Variants in TRAF3IP2 observed in about 807,000 individuals in gnomAD.
TRAF3IP2 encodes TRAF3 interacting protein 2.
A neutral mutation model predicts 57.9 loss-of-function variants in TRAF3IP2; 35 were observed. That is an observed-to-expected ratio of 0.60 (90% CI 0.46 to 0.80). The LOEUF (loss-of-function observed/expected upper bound fraction) is 0.80, where lower values mean the gene tolerates loss of function less well. Ranked by LOEUF, TRAF3IP2 falls within the 30% of genes least tolerant of loss-of-function variation. The pLI is 0.00. For missense variants in TRAF3IP2, 556 were observed against 706.4 expected, an observed-to-expected ratio of 0.79 and a Z score of 2.41; for synonymous variants, 251 against 268.9, an observed-to-expected ratio of 0.93 and a Z score of 0.65.
rs1407211253 is a variant in TRAF3IP2 at position 111,580,398 on chromosome 6, GAAGACAACA to G, written c.830-18_830-10del. On this transcript the variant is annotated splice_polypyrimidine_tract_variant and intron_variant, in intron 2 of 8. Coordinates refer to ENST00000368761, the MANE Select transcript of TRAF3IP2 (RefSeq NM_147686.4). ...AGGGTAGTCATGGCCATCTGTAGGT[GAAGACAACA>G]AAGACAACAGGGAACATCAACTCTA... is the stretch of plus-strand genomic sequence containing the variant. The G allele has an allele frequency of 6.5e-7, 1 of 1,534,906 alleles. No individual in the cohort carries two copies. The highest frequency in any genetic ancestry group is 8.7e-7 in the Non-Finnish European group (1 of 1,146,456).
At position 111,591,999 on chromosome 6, in the gene TRAF3IP2, C is replaced by T. The variant is rs762683742; in HGVS notation, c.88G>A (p.Glu30Lys). 1.2e-6 allele frequency: 2 copies of T among 1,614,230 alleles called. No individual in the cohort carries two copies. Among genetic ancestry groups the T allele is most frequent in the South Asian group, 1.1e-5 (1 of 91,088 alleles). The change falls in exon 2 of 9, where the codon GAG becomes AAG. Residue 30 changes from glutamate (E) to lysine (K), a missense_variant. Physicochemically the swap from Glu to Lys is moderately conservative, Grantham distance 56. This residue lies in a region of TRAF3IP2 where 428 missense variants were observed against 498.7 expected (regional missense o/e 0.86). Transcript: ENST00000368761. The surrounding 1 kb of genome is among the most constrained non-coding windows in gnomAD (Gnocchi z 4.9). Reference sequence around the variant, plus strand: ...TTTGGAGCAGGTGGTTCTGATTCCTCTTCCGGGGAATATTCTGGGATTGGT... The same window carrying T: ...TTTGGAGCAGGTGGTTCTGATTCCTTTTCCGGGGAATATTCTGGGATTGGT... ...LKPIPEYSPE[E>K]ESEPPAPNIR...
At chr6:111,570,972 T>G (rs1795810907) in intron 5 of TRAF3IP2, among the ~76,000 whole-genome samples, 1 of 151,868 alleles carries the variant, frequency 6.6e-6, no homozygotes, top group South Asian at 2.1e-4. Context: ...AGTGGTGTGA[T>G]GCCGGCTTAC....
chr6:111,591,714 G>T lies in TRAF3IP2; in HGVS notation c.373C>A (p.Leu125Ile). The T allele has an allele frequency of 6.2e-7, 1 of 1,614,240 alleles. No homozygotes were observed. The highest frequency in any genetic ancestry group is 8.5e-7 in the Non-Finnish European group (1 of 1,180,030). ...EPASESVVGA[L>I]PAEHQFSFME... ...AATGAAAACTGATGCTCTGCAGGGA[G>T]GGCTCCAACCACAGACTCAGACGCA... is the stretch of plus-strand genomic sequence containing the variant. The change falls in exon 2 of 9, where the codon CTC becomes ATC. Residue 125 changes from leucine to isoleucine, a missense_variant. Transcript: ENST00000368761. This position sits in a 1 kb window ranked among gnomAD's most constrained non-coding sequence, Gnocchi z 4.9.
intron 2 of TRAF3IP2, among the ~76,000 whole-genome samples, chr6:111,584,976 T>C (rs1174337785): frequency 6.6e-6 from 1 of 152,226 alleles, no homozygotes; most frequent in Middle Eastern, 3.2e-3. Context: ...CCTTGCTCAC[T>C]CTGCTAGGCC....
chr6:111,599,537 T>A lies in TRAF3IP2; in HGVS notation c.-9+6239A>T, dbSNP rs79237376. On this transcript the variant is annotated intron_variant, in intron 1 of 8. Transcript: ENST00000368761. ...CCCATGCTTCACCCTCTCTCTTTTT[T>A]AATTTTTTTTTCTGTACACAGCTCT... is the stretch of plus-strand genomic sequence containing the variant. Among the ~76,000 whole-genome samples the A allele has an allele frequency of 1.5e-3, 222 of 152,322 alleles. 2 individuals are homozygous for A. Among genetic ancestry groups the A allele is most frequent in the African/African-American group, 5.0e-3 (209 of 41,576 alleles).
In TRAF3IP2 at chr6:111,562,980, G is replaced by A. The variant is rs1350520467; in HGVS notation, c.1536C>T (p.Phe512=). 6.2e-7 allele frequency: 1 copy of A among 1,612,172 alleles called. No homozygotes were observed. Among genetic ancestry groups the A allele is most frequent in the Non-Finnish European group, 8.5e-7 (1 of 1,179,426 alleles). ...SMNFRFIPVL[F]PNAKKEHVPT... ...GTTTGTTTACCTTCTTAGCATTTGG[G>A]AAGAGCACAGGGATGAATCTGAAAT... The change falls in exon 8 of 9, where the codon TTC becomes TTT. Residue 512 remains phenylalanine, a synonymous_variant. Coordinates refer to ENST00000368761, the MANE Select transcript of TRAF3IP2 (RefSeq NM_147686.4).
chr6:111,578,435 G>A (rs1298245050), intron 3 of TRAF3IP2, among the ~76,000 whole-genome samples: 1 of 152,116 alleles, frequency 6.6e-6, no homozygotes, highest in African/African-American at 2.4e-5. Flanking sequence ...GAGGCCAGGA[G>A]TTTGAAACCA....
At chr6:111,565,663 C>G (rs1394909466) in intron 7 of TRAF3IP2, among the ~76,000 whole-genome samples, 1 of 152,146 alleles carries the variant, frequency 6.6e-6, no homozygotes, top group African/African-American at 2.4e-5. Context: ...GGATTCGTAG[C>G]CCATAAAACA....
In TRAF3IP2 at chr6:111,556,213, CGT is replaced by C. The variant is rs146668280; in HGVS notation, c.*3190_*3191del. Among the ~76,000 whole-genome samples, 23 of 149,568 alleles carry C rather than the reference CGT, an allele frequency of 1.5e-4. No individual in the cohort carries two copies. Among genetic ancestry groups the C allele is most frequent in the African/African-American group, 3.4e-4 (14 of 40,730 alleles). On this transcript the variant is annotated 3_prime_UTR_variant, in exon 9 of 9. Coordinates refer to ENST00000368761, the MANE Select transcript of TRAF3IP2 (RefSeq NM_147686.4). Reference sequence around the variant, plus strand: ...AAGTGCGTGTGTGTGTGTATGTGTGCGTGTGTGTGTGTGTGTCTGTGTGTACT... The same window carrying C: ...AAGTGCGTGTGTGTGTGTATGTGTGCGTGTGTGTGTGTGTCTGTGTGTACT...
chr6:111,584,644 C>CAAA (rs199673946), intron 2 of TRAF3IP2, among the ~76,000 whole-genome samples: 2 of 135,888 alleles, frequency 1.5e-5, no homozygotes, highest in Admixed American at 1.5e-4. Context: ...AAAAAAATAC[C>CAAA]AAAAAAAAAA....
intron 1 of TRAF3IP2, among the ~76,000 whole-genome samples, chr6:111,592,563 G>C (rs1249671322): frequency 6.6e-6 from 1 of 152,132 alleles, no homozygotes; most frequent in Non-Finnish European, 1.5e-5. Context: ...AAAAACGAGA[G>C]GAGAATGTGT....
At chr6:111,594,786 G>A (rs931015926) in intron 1 of TRAF3IP2, among the ~76,000 whole-genome samples, 18 of 152,038 alleles carry the variant, frequency 1.2e-4, no homozygotes, top group Admixed American at 7.2e-4. Context: ...GCGGTGGCGT[G>A]AGCCTGTAGT....
intron 8 of TRAF3IP2, among the ~76,000 whole-genome samples, chr6:111,561,905 A>G (rs544163244): frequency 6.6e-6 from 1 of 152,310 alleles, no homozygotes; most frequent in African/African-American, 2.4e-5. Flanking sequence ...ACCCTGGGCA[A>G]AGGCAGCGCA....
At chr6:111,571,998 A>G (rs975877733) in intron 5 of TRAF3IP2, among the ~76,000 whole-genome samples, 2 of 152,176 alleles carry the variant, frequency 1.3e-5, no homozygotes, top group African/African-American at 4.8e-5. Flanking sequence ...AACTTTTAAA[A>G]TTGATATTTA....
intron 1 of TRAF3IP2, among the ~76,000 whole-genome samples, chr6:111,605,436 G>A (rs1796989532): frequency 6.6e-6 from 1 of 152,268 alleles, no homozygotes. Flanking sequence ...AGTGGGGCTT[G>A]AATTCTTGAG....
chr6:111,567,540 C>T, intron 6 of TRAF3IP2, 84 bp downstream of exon 6: 2 of 1,458,214 alleles, frequency 1.4e-6, no homozygotes, highest in Non-Finnish European at 1.8e-6. Context: ...GGTGGGTATG[C>T]CAGGGTTTCT....
Position 111,594,491 on chromosome 6 carries a change from T to C in TRAF3IP2, c.-8-2397A>G, listed in dbSNP as rs375050457. ...TTTTCTACCTAAAGAAAAAAAAAGT[T>C]GCAAATTCTACTCTTCTAGCTGAGG... is the stretch of plus-strand genomic sequence containing the variant. On this transcript the variant is annotated intron_variant, in intron 1 of 8. Transcript: ENST00000368761. 1.2e-4 allele frequency: 54 copies of C among 450,768 alleles called. 1 individual carries two copies. The highest frequency in any genetic ancestry group is 9.1e-4 in the African/African-American group (45 of 49,588). The allele number at this position is 450,768 out of a possible 1,614,324, so 27.9% of individuals were successfully genotyped here.
At chr6:111,583,301 G>T (rs1467217867) in intron 2 of TRAF3IP2, among the ~76,000 whole-genome samples, 1 of 152,182 alleles carries the variant, frequency 6.6e-6, no homozygotes, top group Non-Finnish European at 1.5e-5. Context: ...ACTTTCTAGG[G>T]CACAGGTCTC....
At chr6:111,565,808 C>A (rs972213327) in intron 7 of TRAF3IP2, among the ~76,000 whole-genome samples, 4 of 152,170 alleles carry the variant, frequency 2.6e-5, no homozygotes, top group Non-Finnish European at 4.4e-5. Context: ...CTGTCATGAG[C>A]TAAGAACACT....
Sources: gnomAD v4.1 joint callset for allele counts (sites outside exome capture counted in the v4.1 genomes callset) on GRCh38, gnomAD v4.1.1 for gene constraint, gnomAD v4.1.1 regional missense constraint, Gnocchi (gnomAD v3.1) non-coding constraint, MANE v1.5 for transcripts, NCBI Gene and HGNC (gene_info 2026-07-23, HGNC 2026-07-21) for gene names.